The following CNST variants were observed in gnomAD, a reference collection of about 807,000 sequenced individuals.
CNST encodes the protein consortin, connexin sorting protein, also known as consortin.
CNST carries 39 observed loss-of-function variants against 72.4 expected under a neutral mutation model. The observed-to-expected ratio is 0.54, with a 90% CI of 0.42 to 0.70. The LOEUF is 0.70. Among genes scored for constraint, CNST ranks in the 30% least tolerant of loss-of-function variants. CNST has a pLI of 0.00. For missense variants in CNST, 871 were observed against 868.5 expected (o/e 1.00, Z -0.04); for synonymous variants, 332 against 320.1 (o/e 1.04, Z -0.40).
At chr1:246,648,063 A>C (rs1666226580) in intron 9 of CNST, 26 bp downstream of exon 9, 1 of 1,568,918 alleles carries the variant, frequency 6.4e-7, no homozygotes, top group Admixed American at 2.0e-5. Context: ...AGTACAATTA[A>C]AAGTAAAATG....
chr1:246,582,933 C>G (rs1240080577), intron 1 of CNST, among the ~76,000 whole-genome samples: 2 of 152,164 alleles, frequency 1.3e-5, no homozygotes, highest in Admixed American at 6.5e-5. Context: ...TTGAAGGTGC[C>G]TGGGGCCAGC....
At chr1:246,640,710 G>A (rs1010671111) in intron 6 of CNST, among the ~76,000 whole-genome samples, 2 of 152,126 alleles carry the variant, frequency 1.3e-5, no homozygotes, top group African/African-American at 4.8e-5. Flanking sequence ...TAATTGTTGT[G>A]TAGCTCATAC....
rs932544910 is a variant in CNST at position 246,566,493 on chromosome 1, G to T, written c.-222G>T. On this transcript the variant is annotated 5_prime_UTR_variant, in exon 1 of 11. Transcript: ENST00000366513. ...CGCCAGCCTCCAGCCGGCCAGCCGC[G>T]AGGGGTGCGCAGAGGGAGGCGGGGC... 5.0e-5 allele frequency: 22 copies of T among 443,920 alleles called. No homozygotes were observed. The highest frequency in any genetic ancestry group is 3.2e-4 in the East Asian group (10 of 31,534). 27.5% of individuals were successfully genotyped at this position (443,920 alleles called of 1,614,324 possible). A position where few individuals can be genotyped will look rare whatever the true frequency, so the allele number is the denominator to read the frequency against.
intron 9 of CNST, among the ~76,000 whole-genome samples, chr1:246,651,390 T>C (rs750727434): frequency 6.6e-6 from 1 of 152,188 alleles, no homozygotes; most frequent in Non-Finnish European, 1.5e-5. Context: ...TGGTAGAGCA[T>C]GCTGGTTTGT....
At chr1:246,571,004 G>C (rs1250273828) in intron 1 of CNST, among the ~76,000 whole-genome samples, 3 of 152,134 alleles carry the variant, frequency 2.0e-5, no homozygotes, top group African/African-American at 7.2e-5. Context: ...CCTTTATGTA[G>C]GAATCATTCT....
intron 2 of CNST, among the ~76,000 whole-genome samples, chr1:246,604,541 G>C (rs575913441): frequency 1.3e-5 from 2 of 152,162 alleles, no homozygotes; most frequent in East Asian, 3.9e-4. Flanking sequence ...GAGAATTATG[G>C]AATATTAAAG....
intron 2 of CNST, among the ~76,000 whole-genome samples, chr1:246,616,848 C>T (rs910656694): frequency 9.9e-5 from 15 of 151,578 alleles, no homozygotes; most frequent in Non-Finnish European, 1.8e-4. Context: ...CCACTGCGCC[C>T]GGCCAATACT....
intron 2 of CNST, among the ~76,000 whole-genome samples, chr1:246,610,633 C>G (rs1030903289): frequency 9.2e-5 from 14 of 152,144 alleles, no homozygotes; most frequent in Admixed American, 7.9e-4. Flanking sequence ...TTCTTGATTG[C>G]TGAAGCCTTA....
intron 3 of CNST, among the ~76,000 whole-genome samples, chr1:246,627,277 A>G (rs934559499): frequency 1.3e-5 from 2 of 152,228 alleles, no homozygotes; most frequent in Non-Finnish European, 2.9e-5. Context: ...ACCGTGGCCT[A>G]CAAGGCCCTA....
intron 9 of CNST, among the ~76,000 whole-genome samples, chr1:246,651,980 G>A (rs1411207293): frequency 2.0e-5 from 3 of 152,128 alleles, no homozygotes; most frequent in Non-Finnish European, 2.9e-5. Context: ...ATACACGTAA[G>A]GATTTTTATG....
At chr1:246,605,923 C>T (rs1195680151) in intron 2 of CNST, 2 of 152,070 alleles carry the variant, frequency 1.3e-5, no homozygotes, top group Non-Finnish European at 2.9e-5. Flanking sequence ...GGCCTTGCGC[C>T]TTGGGACTGG....
chr1:246,653,579 G>A (rs1468016731), intron 9 of CNST, among the ~76,000 whole-genome samples: 1 of 152,190 alleles, frequency 6.6e-6, no homozygotes, highest in South Asian at 2.1e-4. Flanking sequence ...GATATCTAAA[G>A]AGCGCCCAAA....
At chr1:246,585,438 G>A (rs1194860406) in intron 1 of CNST, among the ~76,000 whole-genome samples, 12 of 151,590 alleles carry the variant, frequency 7.9e-5, no homozygotes, top group East Asian at 3.9e-4. Flanking sequence ...CTTGAGGTCA[G>A]GAGTTCGAGA....
At chr1:246,606,400 A>G (rs935800310) in intron 2 of CNST, 4 of 151,862 alleles carry the variant, frequency 2.6e-5, no homozygotes, top group African/African-American at 9.7e-5. Context: ...GATTTCTAGA[A>G]CCGCTTTTCC....
At chr1:246,651,613 G>A (rs565436737) in intron 9 of CNST, among the ~76,000 whole-genome samples, 2 of 152,246 alleles carry the variant, frequency 1.3e-5, no homozygotes, top group African/African-American at 2.4e-5. Flanking sequence ...AACTAAAAAT[G>A]TCTATACTAT....
At chr1:246,586,184 A>G (rs992801270) in intron 1 of CNST, among the ~76,000 whole-genome samples, 8 of 147,474 alleles carry the variant, frequency 5.4e-5, no homozygotes, top group Non-Finnish European at 1.2e-4. Flanking sequence ...GATATATGGT[A>G]TATCTTTGAT....
chr1:246,618,488 G>A (rs986995877), intron 2 of CNST, among the ~76,000 whole-genome samples: 30 of 152,184 alleles, frequency 2.0e-4, no homozygotes, highest in African/African-American at 4.1e-4. Flanking sequence ...TATGAGTCTT[G>A]TAGTTTTGCT....
intron 3 of CNST, among the ~76,000 whole-genome samples, chr1:246,624,900 CGCCTTGACCTCCCA>C (rs1172410086): frequency 7.9e-5 from 12 of 152,286 alleles, no homozygotes; most frequent in African/African-American, 2.9e-4. Flanking sequence ...GTGATCCACC[CGCCTTGACCTCCCA>C]AAGTGCTGGG....
At chr1:246,619,283 C>A (rs1230457725) in intron 2 of CNST, among the ~76,000 whole-genome samples, 2 of 152,182 alleles carry the variant, frequency 1.3e-5, no homozygotes, top group Admixed American at 6.5e-5. Flanking sequence ...AGAATCACCT[C>A]CTGTTTTTAG....
Sources: allele counts gnomAD v4.1 joint callset (sites outside exome capture counted in the v4.1 genomes callset), GRCh38; gene constraint gnomAD v4.1.1; transcripts MANE v1.5; gene names NCBI Gene and HGNC (gene_info 2026-07-23, HGNC 2026-07-21).